Variants in ZNF430 observed in about 807,000 individuals in gnomAD.
ZNF430 encodes zinc finger protein 430.
Under a neutral mutation model 56.7 loss-of-function variants are expected in ZNF430, and 35 were observed. The ratio of observed to expected loss-of-function variants is 0.62; its 90% CI spans 0.47 to 0.82. The LOEUF (loss-of-function observed/expected upper bound fraction) is 0.82, where lower values mean the gene tolerates loss of function less well. Among genes scored for constraint, ZNF430 ranks in the 40% least tolerant of loss-of-function variants. The pLI, the probability that ZNF430 is intolerant of heterozygous loss-of-function variation, is 0.00. For synonymous variants in ZNF430, 212 were observed against 224.3 expected (o/e 0.94, Z 0.49); for missense variants, 574 against 661.0 (o/e 0.87, Z 1.44).
At chr19:21,021,135 T>C (rs1325352936) in intron 1 of ZNF430, among the ~76,000 whole-genome samples, 1 of 152,196 alleles carries the variant, frequency 6.6e-6, no homozygotes, top group African/African-American at 2.4e-5. Flanking sequence ...GGGAGAATCC[T>C]GACTTGGGGT....
At chr19:21,024,520 C>A (rs1270425150) in intron 2 of ZNF430, among the ~76,000 whole-genome samples, 1 of 152,088 alleles carries the variant, frequency 6.6e-6, no homozygotes, top group Non-Finnish European at 1.5e-5. Context: ...TGGCTCACAC[C>A]TGTAATCTCA....
intron 4 of ZNF430, chr19:21,049,638 G>GTGCAACATTTCTTGTTACGTTTCC (rs1200637644): frequency 1.2e-3 from 65 of 54,414 alleles, no homozygotes; most frequent in East Asian, 2.7e-3. Context: ...GTTACATTTC[G>GTGCAACATTTCTTGTTACGTTTCC]TGCAACATTT....
At chr19:21,042,679 T>C (rs1446634919) in intron 4 of ZNF430, among the ~76,000 whole-genome samples, 1 of 151,920 alleles carries the variant, frequency 6.6e-6, no homozygotes, top group Non-Finnish European at 1.5e-5. Context: ...TCCCCGCTAC[T>C]TGGGAGGCTG....
At position 21,057,550 on chromosome 19, in the gene ZNF430, G is replaced by C. The variant is rs143247089; in HGVS notation, c.1242G>C (p.Ser414=). ...GTGGCAAAGGCTTTAATTGGTCCTC[G>C]ACCCTTACTAAACATAAAAGAATTC... The part of the protein sequence containing the change: ...EECGKGFNWS[S]TLTKHKRIHT... The change falls in exon 5 of 5, where the codon TCG becomes TCC. Residue 414 remains serine, a synonymous_variant. Coordinates refer to ENST00000261560, the MANE Select transcript of ZNF430 (RefSeq NM_025189.4). 1.3e-6 allele frequency: 2 copies of C among 1,584,428 alleles called. No individual in the cohort carries two copies. The highest frequency in any genetic ancestry group is 1.8e-5 in the Admixed American group (1 of 56,880).
rs535375151 is a variant in ZNF430, at chr19:21,021,992, C to G, written c.4-797C>G. Among the ~76,000 whole-genome samples the G allele has an allele frequency of 4.2e-3, 640 of 152,118 alleles. 6 individuals carry two copies. The highest frequency in any genetic ancestry group is 0.014 in the African/African-American group (589 of 41,484). ...AGCTGGAATTACAAGCGCCTGCCAC[C>G]CTGCCCAGCTAATTTTTGTACTTTT... On this transcript the variant is annotated intron_variant, in intron 1 of 4. Coordinates refer to ENST00000261560, the MANE Select transcript of ZNF430 (RefSeq NM_025189.4).
At chr19:21,023,702 T>C (rs1967741778) in intron 2 of ZNF430, among the ~76,000 whole-genome samples, 1 of 152,166 alleles carries the variant, frequency 6.6e-6, no homozygotes, top group Non-Finnish European at 1.5e-5. Context: ...GTGAGTTACA[T>C]ACATTCATGA....
Position 21,057,160 on chromosome 19 carries a change from T to C in ZNF430, c.852T>C (p.Thr284=). ...STLTTHKIIH[T]GEKPYRCEEC... is the part of the protein sequence containing the mutation. ...TTACTACACATAAGATAATTCATAC[T>C]GGAGAGAAACCCTACAGATGTGAAG... is the stretch of plus-strand genomic sequence containing the variant. Residue 284 remains threonine, a synonymous_variant, in exon 5 of 5, where the codon ACT becomes ACC. Transcript: ENST00000261560. 2 of 1,614,012 alleles carry C rather than the reference T, an allele frequency of 1.2e-6. No individual in the cohort carries two copies. Among genetic ancestry groups the C allele is most frequent in the Middle Eastern group, 1.6e-4 (1 of 6,062 alleles).
At chr19:21,030,824 A>C (rs1255205245) in intron 2 of ZNF430, among the ~76,000 whole-genome samples, 9 of 152,090 alleles carry the variant, frequency 5.9e-5, no homozygotes, top group South Asian at 2.1e-4. Flanking sequence ...AGCTCATTAA[A>C]GTTTGAGAGG....
chr19:21,045,994 C>T (rs1432499812), intron 4 of ZNF430, among the ~76,000 whole-genome samples: 1 of 152,076 alleles, frequency 6.6e-6, no homozygotes, highest in Non-Finnish European at 1.5e-5. Flanking sequence ...GCTTGACATT[C>T]TGTGTCTTTT....
intron 2 of ZNF430, 61 bp from the exon 3 acceptor site, chr19:21,033,395 T>A: frequency 6.4e-7 from 1 of 1,550,872 alleles, no homozygotes; most frequent in Non-Finnish European, 8.7e-7. Flanking sequence ...ATTCAAATAA[T>A]AAATTCTGCC....
intron 2 of ZNF430, among the ~76,000 whole-genome samples, chr19:21,030,871 T>G (rs564451364): frequency 1.2e-3 from 10 of 8,218 alleles, no homozygotes; most frequent in African/African-American, 1.4e-3. Context: ...CCCGTCTTGT[T>G]TTTTTTGTTT....
chr19:21,039,036 G>A (rs908008573), intron 4 of ZNF430, among the ~76,000 whole-genome samples: 2 of 152,088 alleles, frequency 1.3e-5, no homozygotes, highest in East Asian at 1.9e-4. Flanking sequence ...TTCAACCTCC[G>A]CCTCCCGGGT....
At chr19:21,038,547 T>C (rs1047284622) in intron 4 of ZNF430, among the ~76,000 whole-genome samples, 1 of 151,840 alleles carries the variant, frequency 6.6e-6, no homozygotes, top group African/African-American at 2.4e-5. Context: ...TCTGCCTCAG[T>C]CCCCCAAGTA....
intron 4 of ZNF430, among the ~76,000 whole-genome samples, chr19:21,038,682 C>T (rs1968046996): frequency 6.6e-6 from 1 of 152,026 alleles, no homozygotes; most frequent in Non-Finnish European, 1.5e-5. Context: ...CCCACCCTGG[C>T]CTCACAAAGT....
intron 4 of ZNF430, among the ~76,000 whole-genome samples, chr19:21,049,332 T>G (rs140412126): frequency 6.5e-4 from 99 of 152,228 alleles, no homozygotes; most frequent in African/African-American, 2.4e-3. Context: ...TATTTTTATA[T>G]CTACAGAACT....
chr19:21,026,599 G>T (rs1189357638), intron 2 of ZNF430, among the ~76,000 whole-genome samples: 1 of 152,092 alleles, frequency 6.6e-6, no homozygotes, highest in African/African-American at 2.4e-5. Context: ...TTGTGAATGG[G>T]ATTATGTTTT....
intron 4 of ZNF430, among the ~76,000 whole-genome samples, chr19:21,045,269 T>C (rs745667451): frequency 6.6e-6 from 1 of 152,226 alleles, no homozygotes; most frequent in Non-Finnish European, 1.5e-5. Context: ...TTCTAGTACA[T>C]AGTCTCTTTG....
At chr19:21,032,384 G>T (rs1353274030) in intron 2 of ZNF430, among the ~76,000 whole-genome samples, 1 of 152,154 alleles carries the variant, frequency 6.6e-6, no homozygotes, top group Non-Finnish European at 1.5e-5. Context: ...TGTTTGAGGG[G>T]CAATATCTTA....
chr19:21,022,661 A>G, intron 1 of ZNF430, 128 bp from the exon 2 acceptor site: 2 of 728,080 alleles, frequency 2.7e-6, no homozygotes, highest in Non-Finnish European at 2.4e-6. Flanking sequence ...TTGTGTCCTC[A>G]GTCACCCTTC....
Sources: allele counts gnomAD v4.1 joint callset (sites outside exome capture counted in the v4.1 genomes callset), GRCh38; gene constraint gnomAD v4.1.1; transcripts MANE v1.5; gene names NCBI Gene and HGNC (gene_info 2026-07-23, HGNC 2026-07-21).